Variants in ADGRV1 observed in about 807,000 individuals in gnomAD.
ADGRV1 encodes the protein G-protein coupled receptor 98.
A neutral mutation model predicts 596.2 loss-of-function variants in ADGRV1; 359 were observed. The ratio of observed to expected loss-of-function variants is 0.60; its 90% CI spans 0.55 to 0.66. The LOEUF (loss-of-function observed/expected upper bound fraction) is 0.66, where lower values mean the gene tolerates loss of function less well. Among genes scored for constraint, ADGRV1 ranks in the 30% least tolerant of loss-of-function variants. The pLI, the probability that ADGRV1 is intolerant of heterozygous loss-of-function variation, is 0.00. For missense variants in ADGRV1, 7,274 were observed against 7,575.6 expected (o/e 0.96, Z 1.48); for synonymous variants, 2,681 against 2,679.2 (o/e 1.00, Z -0.02).
intron 69 of ADGRV1, among the ~76,000 whole-genome samples, chr5:90,790,399 G>A (rs11956622): frequency 0.066 from 10,049 of 152,152 alleles, 712 homozygotes; most frequent in East Asian, 0.28. Context: ...ATTAACTGGT[G>A]CTTCTTCAGT....
intron 83 of ADGRV1, among the ~76,000 whole-genome samples, chr5:90,918,798 CA>C (rs1489048630): frequency 6.6e-6 from 1 of 152,150 alleles, no homozygotes; most frequent in African/African-American, 2.4e-5. Context: ...TATGTTACTA[CA>C]ACCAAGGCCT....
In ADGRV1 at chr5:90,721,531, A is replaced by AAAATAAAATAAAAT. The variant is rs1314967115; in HGVS notation, c.9748+475_9748+476insTAAAATAAAATAAA. Among the ~76,000 whole-genome samples the AAAATAAAATAAAAT allele has an allele frequency of 6.1e-4, 50 of 82,586 alleles. 7 individuals are homozygous for AAAATAAAATAAAAT. The highest frequency in any genetic ancestry group is 8.1e-4 in the Non-Finnish European group (31 of 38,196). The allele number at this position is 82,586 out of a possible 152,430, so 54.2% of individuals were successfully genotyped here. A position where few individuals can be genotyped will look rare whatever the true frequency, so the allele number is the denominator to read the frequency against. On this transcript the variant is annotated intron_variant, in intron 45 of 89. Coordinates refer to ENST00000405460, the MANE Select transcript of ADGRV1 (RefSeq NM_032119.4). ...AAATAAAATAAAATAAAATAAAAATAAAAATAAAATAAAATAAAATAAAAT... is the reference window on the plus strand; with the variant it reads ...AAATAAAATAAAATAAAATAAAAATAAAATAAAATAAAATAAAATAAAATAAAATAAAATAAAAT...
intron 85 of ADGRV1, among the ~76,000 whole-genome samples, chr5:91,023,858 A>G (rs1783827524): frequency 1.3e-5 from 2 of 152,276 alleles, no homozygotes; most frequent in South Asian, 2.1e-4. Context: ...TAGGACCTAA[A>G]TGTAATAACT....
chr5:91,018,993 A>G (rs1038301518), intron 85 of ADGRV1, among the ~76,000 whole-genome samples: 53 of 152,072 alleles, frequency 3.5e-4, no homozygotes, highest in Non-Finnish European at 6.2e-4. Flanking sequence ...TGGTGGCTTC[A>G]GGTTCTCATC....
At chr5:90,662,531 T>G (rs1457667853) in intron 21 of ADGRV1, among the ~76,000 whole-genome samples, 1 of 152,110 alleles carries the variant, frequency 6.6e-6, no homozygotes, top group Non-Finnish European at 1.5e-5. Flanking sequence ...AGGCGTTATG[T>G]TATTTCTCTG....
In ADGRV1 at chr5:90,694,171, C is replaced by G. The variant is rs1212287956; in HGVS notation, c.7415C>G (p.Pro2472Arg). The G allele has an allele frequency of 5.0e-6, 8 of 1,613,808 alleles. No homozygotes were observed. The highest frequency in any genetic ancestry group is 5.9e-6 in the Non-Finnish European group (7 of 1,179,846). Residue 2472 changes from proline to arginine, a missense_variant, in exon 33 of 90, where the codon CCA (proline) becomes CGA (arginine). Transcript: ENST00000405460. Reference protein sequence around the residue: ...QCFWMTSWISPAVNNSDFWTY... With the variant: ...QCFWMTSWISRAVNNSDFWTY... ...TTCTGGATGACATCATGGATCAGCC[C>G]AGCTGTCAACAATTCAGACTTCTGG...
intron 70 of ADGRV1, among the ~76,000 whole-genome samples, chr5:90,797,819 T>C (rs1187934831): frequency 6.6e-6 from 1 of 152,144 alleles, no homozygotes; most frequent in Middle Eastern, 3.2e-3. Context: ...ATTGGGAAAC[T>C]CACTCAAAAC....
chr5:90,925,569 G>A (rs1017998841), intron 83 of ADGRV1, among the ~76,000 whole-genome samples: 65 of 152,036 alleles, frequency 4.3e-4, no homozygotes, highest in Admixed American at 1.5e-3. Context: ...CAGTCATGTC[G>A]TCTGCAAACA....
intron 59 of ADGRV1, among the ~76,000 whole-genome samples, chr5:90,765,696 C>CT (rs919795870): frequency 5.1e-4 from 76 of 150,310 alleles, no homozygotes; most frequent in African/African-American, 1.4e-3. Context: ...ATGTCAAATT[C>CT]TTTTTTTTTG....
At chr5:90,720,260 G>A in intron 44 of ADGRV1, 37 bp downstream of exon 44, 7 of 1,261,260 alleles carry the variant, frequency 5.6e-6, no homozygotes, top group Non-Finnish European at 7.5e-6. Context: ...CACTTCTGAA[G>A]CTATAAGTAG....
intron 83 of ADGRV1, among the ~76,000 whole-genome samples, chr5:90,950,309 T>A (rs2150904324): frequency 6.6e-6 from 1 of 152,194 alleles, no homozygotes; most frequent in East Asian, 1.9e-4. Flanking sequence ...AGGATGGACA[T>A]ATTTAAGAAC....
At chr5:91,051,223 C>G (rs2151307318) in intron 85 of ADGRV1, among the ~76,000 whole-genome samples, 1 of 152,270 alleles carries the variant, frequency 6.6e-6, no homozygotes, top group African/African-American at 2.4e-5. Flanking sequence ...ATATATTCAA[C>G]TTCTAAATAT....
chr5:90,666,139 G>C (rs1397910570), intron 21 of ADGRV1, among the ~76,000 whole-genome samples: 1 of 150,656 alleles, frequency 6.6e-6, no homozygotes, highest in African/African-American at 2.4e-5. Context: ...TCCGCTTGGT[G>C]CAGAGCTGAG....
intron 1 of ADGRV1, among the ~76,000 whole-genome samples, chr5:90,596,484 C>T (rs1760628548): frequency 6.6e-6 from 1 of 152,116 alleles, no homozygotes; most frequent in African/African-American, 2.4e-5. Flanking sequence ...CGCCACTGCA[C>T]TCCAGCCTGG....
At chr5:90,944,405 AAG>A (rs1460710541) in intron 83 of ADGRV1, among the ~76,000 whole-genome samples, 2 of 152,220 alleles carry the variant, frequency 1.3e-5, no homozygotes, top group Non-Finnish European at 2.9e-5. Context: ...CTTGAAGAAA[AAG>A]AGGAAAAAAT....
At chr5:90,782,939 C>CT (rs1759013557) in intron 65 of ADGRV1, among the ~76,000 whole-genome samples, 185 bp from the exon 66 acceptor site, 1 of 152,248 alleles carries the variant, frequency 6.6e-6, no homozygotes. Context: ...ATCTGATAAA[C>CT]TATGTTCCTC....
At chr5:90,788,898 A>T (rs1349778516) in intron 68 of ADGRV1, among the ~76,000 whole-genome samples, 2 of 151,084 alleles carry the variant, frequency 1.3e-5, no homozygotes, top group Admixed American at 6.6e-5. Flanking sequence ...ACACACTCAC[A>T]CACACAGCAG....
At chr5:91,056,081 A>G (rs1007827602) in intron 85 of ADGRV1, among the ~76,000 whole-genome samples, 6 of 152,180 alleles carry the variant, frequency 3.9e-5, no homozygotes, top group African/African-American at 1.4e-4. Context: ...GGTTAGGCGA[A>G]TATGGCAGAT....
At chr5:90,794,650 G>T (rs567434819) in intron 70 of ADGRV1, among the ~76,000 whole-genome samples, 1 of 152,140 alleles carries the variant, frequency 6.6e-6, no homozygotes, top group African/African-American at 2.4e-5. Flanking sequence ...GTTTCTGTTT[G>T]TGCCCAATGC....
Sources: gnomAD v4.1 joint callset for allele counts (sites outside exome capture counted in the v4.1 genomes callset) on GRCh38, gnomAD v4.1.1 for gene constraint, MANE v1.5 for transcripts, NCBI Gene and HGNC (gene_info 2026-07-23, HGNC 2026-07-21) for gene names.